Variants in NIPAL2 observed in about 807,000 individuals in gnomAD.
NIPAL2 encodes the protein NIPA like domain containing 2, also known as NIPA-like protein 2.
Under a neutral mutation model 48.9 loss-of-function variants are expected in NIPAL2, and 43 were observed. The observed-to-expected ratio is 0.88, with a 90% CI of 0.69 to 1.13. NIPAL2 has a LOEUF of 1.13. Ranked by LOEUF, NIPAL2 falls within the 50% of genes most tolerant of loss-of-function variation. NIPAL2 has a pLI of 0.00. For missense variants in NIPAL2, 446 were observed against 461.4 expected, an observed-to-expected ratio of 0.97 and a Z score of 0.31; for synonymous variants, 167 against 174.6, an observed-to-expected ratio of 0.96 and a Z score of 0.34.
intron 1 of NIPAL2, among the ~76,000 whole-genome samples, chr8:98,268,253 G>T (rs1349364326): frequency 2.6e-5 from 4 of 151,666 alleles, no homozygotes; most frequent in Non-Finnish European, 5.9e-5. Context: ...ATTTTTTTTG[G>T]TAATATATGT....
At chr8:98,232,936 A>G (rs1426226130) in intron 4 of NIPAL2, among the ~76,000 whole-genome samples, 1 of 152,194 alleles carries the variant, frequency 6.6e-6, no homozygotes, top group African/African-American at 2.4e-5. Context: ...GCAAGAGTAA[A>G]TGTTTAATAA....
chr8:98,236,106 T>A, intron 4 of NIPAL2, 49 bp downstream of exon 4: 1 of 1,279,460 alleles, frequency 7.8e-7, no homozygotes, highest in Non-Finnish European at 1.1e-6. Flanking sequence ...GTATTATTTA[T>A]TTCCTGATCA....
At chr8:98,238,583 GA>G (rs1034256471) in intron 3 of NIPAL2, among the ~76,000 whole-genome samples, 8 of 150,844 alleles carry the variant, frequency 5.3e-5, no homozygotes, top group African/African-American at 1.9e-4. Flanking sequence ...CCTCATGCAG[GA>G]TAAGATGAGA....
At chr8:98,272,152 A>G (rs1406417112) in intron 1 of NIPAL2, among the ~76,000 whole-genome samples, 1 of 152,098 alleles carries the variant, frequency 6.6e-6, no homozygotes, top group Non-Finnish European at 1.5e-5. Context: ...TGAACCTGAG[A>G]GGTTTAAGTT....
At chr8:98,286,812 C>CA (rs1182876107) in intron 1 of NIPAL2, among the ~76,000 whole-genome samples, 6,327 of 56,712 alleles carry the variant, frequency 0.11, 229 homozygotes, top group Non-Finnish European at 0.16. Context: ...GAGACTCTGT[C>CA]AAAAAAAAAA....
chr8:98,224,755 C>CTTTTTTTTTTTT (rs371936351), intron 4 of NIPAL2, among the ~76,000 whole-genome samples: 83 of 123,732 alleles, frequency 6.7e-4, no homozygotes, highest in Non-Finnish European at 1.0e-3. Flanking sequence ...TCTTTCTTTT[C>CTTTTTTTTTTTT]TTTTTTTTTT....
intron 5 of NIPAL2, chr8:98,217,240 T>C: frequency 1.0e-6 from 1 of 985,456 alleles, no homozygotes; most frequent in Non-Finnish European, 1.2e-6. Flanking sequence ...CTTGTCTCTG[T>C]GAGGCTTCCA....
chr8:98,281,499 T>C (rs1045178173), intron 1 of NIPAL2, among the ~76,000 whole-genome samples: 1 of 152,156 alleles, frequency 6.6e-6, no homozygotes, highest in African/African-American at 2.4e-5. Flanking sequence ...ATAATTGGAT[T>C]GTTTGTAACG....
At chr8:98,262,293 G>A (rs1814394473) in intron 1 of NIPAL2, among the ~76,000 whole-genome samples, 1 of 151,684 alleles carries the variant, frequency 6.6e-6, no homozygotes, top group Admixed American at 6.6e-5. Flanking sequence ...AACTTTAAAT[G>A]TAAATGGACT....
chr8:98,246,312 T>C (rs991440965), intron 3 of NIPAL2, among the ~76,000 whole-genome samples: 19 of 152,174 alleles, frequency 1.2e-4, no homozygotes, highest in African/African-American at 4.6e-4. Context: ...GTATTCCACA[T>C]CATGAATTTT....
intron 5 of NIPAL2, among the ~76,000 whole-genome samples, chr8:98,219,498 C>T (rs1257081132): frequency 1.3e-5 from 2 of 152,146 alleles, no homozygotes; most frequent in Non-Finnish European, 2.9e-5. Flanking sequence ...GGAGTAAATG[C>T]TGCATAAGGT....
At chr8:98,254,232 G>A in intron 1 of NIPAL2, 145 bp from the exon 2 acceptor site, 1 of 530,010 alleles carries the variant, frequency 1.9e-6, no homozygotes, top group Non-Finnish European at 3.3e-6. Context: ...GATATTAATA[G>A]GATTTAATTA....
At chr8:98,234,047 G>A (rs989812132) in intron 4 of NIPAL2, among the ~76,000 whole-genome samples, 4 of 152,140 alleles carry the variant, frequency 2.6e-5, no homozygotes, top group African/African-American at 7.2e-5. Context: ...TGGAATGTTT[G>A]GAGACATTTT....
chr8:98,205,068 C>G, intron 7 of NIPAL2, 43 bp downstream of exon 7: 1 of 1,601,404 alleles, frequency 6.2e-7, no homozygotes, highest in Middle Eastern at 1.7e-4. Flanking sequence ...CAGAGAAGCA[C>G]CGGAATGTTG....
chr8:98,221,582 C>A (rs894862644), intron 5 of NIPAL2, among the ~76,000 whole-genome samples: 4 of 151,998 alleles, frequency 2.6e-5, no homozygotes, highest in African/African-American at 9.7e-5. Context: ...TTCTGGGATA[C>A]ATGTGCAGAA....
At position 98,233,115 on chromosome 8, in the gene NIPAL2, G is replaced by A. The variant is rs557013420; in HGVS notation, c.436+3040C>T. On this transcript the variant is annotated intron_variant, in intron 4 of 10. Transcript: ENST00000430223. ...TCTACTAAAAATACAAAATTTAGCTGGGCGTGGTGGTGTATGCCTGTAATC... is the reference window on the plus strand; with the variant it reads ...TCTACTAAAAATACAAAATTTAGCTAGGCGTGGTGGTGTATGCCTGTAATC... Among the ~76,000 whole-genome samples, 72 of 152,118 alleles carry A rather than the reference G, an allele frequency of 4.7e-4. 1 individual carries two copies. In the South Asian group the frequency reaches 0.014, roughly 29 times the overall value.
At position 98,252,487 on chromosome 8, in the gene NIPAL2, G is replaced by C; in HGVS notation, c.352C>G (p.Pro118Ala). The stretch of plus-strand genomic sequence containing the variant: ...CCTGTAACAGACACACAGCCTAACG[G>C]AGCGATCAGAGTAATGGGAGCAAAT... ...YGFAPITLIA[P>A]LGCVSVTGSA... Residue 118 changes from proline to alanine, a missense_variant, in exon 3 of 11, where the codon CCG becomes GCG. By Grantham distance (27) the Pro-to-Ala change is conservative. Transcript: ENST00000430223. 1 of 1,613,012 alleles carries C rather than the reference G, an allele frequency of 6.2e-7. No individual in the cohort carries two copies. Among genetic ancestry groups the C allele is most frequent in the Non-Finnish European group, 8.5e-7 (1 of 1,179,640 alleles).
chr8:98,243,356 A>G (rs1207107276), intron 3 of NIPAL2, among the ~76,000 whole-genome samples: 1 of 152,242 alleles, frequency 6.6e-6, no homozygotes, highest in African/African-American at 2.4e-5. Flanking sequence ...CCAGATGAAA[A>G]TAGATAAAAT....
At chr8:98,203,608 T>G (rs1426408142) in intron 7 of NIPAL2, among the ~76,000 whole-genome samples, 1 of 152,170 alleles carries the variant, frequency 6.6e-6, no homozygotes, top group Non-Finnish European at 1.5e-5. Context: ...AGTAAAGGAA[T>G]GTTTAATGTT....
Sources: gnomAD v4.1 joint callset for allele counts (sites outside exome capture counted in the v4.1 genomes callset) on GRCh38, gnomAD v4.1.1 for gene constraint, MANE v1.5 for transcripts, NCBI Gene and HGNC (gene_info 2026-07-23, HGNC 2026-07-21) for gene names.